The following CNTN5 variants were observed in gnomAD, a reference collection of about 807,000 sequenced individuals.
The protein encoded by CNTN5 is contactin 5, also known as contactin-5.
A neutral mutation model predicts 129.1 loss-of-function variants in CNTN5; 77 were observed. That is an observed-to-expected ratio of 0.60 (90% CI 0.50 to 0.72). The LOEUF (loss-of-function observed/expected upper bound fraction) is 0.72. Among genes scored for constraint, CNTN5 ranks in the 30% least tolerant of loss-of-function variants. The probability of loss-of-function intolerance (pLI) is 0.00; values close to 1 mark genes in which losing one functional copy is unlikely to be tolerated. For synonymous variants in CNTN5, 509 were observed against 465.6 expected, an observed-to-expected ratio of 1.09 and a Z score of -1.20; for missense variants, 1,478 against 1,328.8, an observed-to-expected ratio of 1.11 and a Z score of -1.75.
At chr11:99,697,667 A>G (rs921379165) in intron 3 of CNTN5, among the ~76,000 whole-genome samples, 3 of 151,884 alleles carry the variant, frequency 2.0e-5, no homozygotes, top group Admixed American at 6.6e-5. Context: ...TGAATAAAGT[A>G]TGAACTTTAA....
chr11:100,244,529 T>C (rs2138691284), intron 16 of CNTN5, among the ~76,000 whole-genome samples: 1 of 152,318 alleles, frequency 6.6e-6, no homozygotes, highest in African/African-American at 2.4e-5. Flanking sequence ...CTTCACATGA[T>C]AGTTCCTACA....
chr11:99,239,895 C>T (rs1410657564), intron 1 of CNTN5, among the ~76,000 whole-genome samples: 3 of 150,250 alleles, frequency 2.0e-5, no homozygotes, highest in South Asian at 2.1e-4. Context: ...CGAGATAGCG[C>T]CACTGTGCTC....
intron 23 of CNTN5, among the ~76,000 whole-genome samples, chr11:100,345,033 C>A (rs1380121209): frequency 2.6e-5 from 4 of 152,088 alleles, no homozygotes; most frequent in African/African-American, 4.8e-5. Context: ...CAAGATAAAA[C>A]AGCAGAATTT....
chr11:99,272,895 T>C (rs1320083745), intron 1 of CNTN5, among the ~76,000 whole-genome samples: 5 of 151,874 alleles, frequency 3.3e-5, no homozygotes, highest in African/African-American at 1.2e-4. Context: ...AAAAAACTTA[T>C]AACATTTAAA....
At chr11:100,283,931 G>A (rs1045667457) in intron 18 of CNTN5, among the ~76,000 whole-genome samples, 3 of 152,084 alleles carry the variant, frequency 2.0e-5, no homozygotes, top group African/African-American at 4.8e-5. Flanking sequence ...GGGTGACATA[G>A]CGAGACTCTG....
At chr11:99,480,349 G>A (rs1445381169) in intron 2 of CNTN5, among the ~76,000 whole-genome samples, 1 of 152,128 alleles carries the variant, frequency 6.6e-6, no homozygotes, top group Non-Finnish European at 1.5e-5. Context: ...TATAGGCTCT[G>A]GTGTCGGACA....
At chr11:99,865,828 A>T (rs1243247545) in intron 6 of CNTN5, among the ~76,000 whole-genome samples, 1 of 152,164 alleles carries the variant, frequency 6.6e-6, no homozygotes, top group Non-Finnish European at 1.5e-5. Context: ...GCTTATAAGT[A>T]GCTGTAACCT....
intron 1 of CNTN5, among the ~76,000 whole-genome samples, chr11:99,022,100 A>T (rs1283865639): frequency 6.6e-6 from 1 of 152,300 alleles, no homozygotes; most frequent in South Asian, 2.1e-4. Flanking sequence ...GAAGCAAAAA[A>T]CTTTTAAACT....
In CNTN5 at chr11:99,385,685, C is replaced by G. The variant is rs114547454; in HGVS notation, c.-71+60201C>G. Among the ~76,000 whole-genome samples, 518 of 152,254 alleles carry G rather than the reference C, an allele frequency of 3.4e-3. 3 individuals carry two copies. Among genetic ancestry groups the G allele is most frequent in the African/African-American group, 0.011 (476 of 41,554 alleles). Reference sequence around the variant, plus strand: ...TGAAAATGGCAGACAAACCAGTATACAATAGCTTAGGCAATAAAGATGACT... The same window carrying G: ...TGAAAATGGCAGACAAACCAGTATAGAATAGCTTAGGCAATAAAGATGACT... On this transcript the variant is annotated intron_variant, in intron 2 of 24. Transcript: ENST00000524871.
intron 3 of CNTN5, among the ~76,000 whole-genome samples, chr11:99,594,925 C>A (rs1280357846): frequency 1.3e-5 from 2 of 152,120 alleles, no homozygotes; most frequent in East Asian, 3.9e-4. Context: ...AGTCACAGAT[C>A]ATTAAAGACA....
chr11:99,234,394 G>A (rs1185900651), intron 1 of CNTN5, among the ~76,000 whole-genome samples: 8 of 152,134 alleles, frequency 5.3e-5, no homozygotes, highest in African/African-American at 1.9e-4. Context: ...CGCTCTATTC[G>A]TAGATCTTAG....
intron 13 of CNTN5, among the ~76,000 whole-genome samples, chr11:100,094,609 T>C (rs531482576): frequency 1.3e-4 from 20 of 152,130 alleles, no homozygotes; most frequent in Middle Eastern, 6.8e-3. Context: ...CTAATTGATA[T>C]TCTTCACTGC....
chr11:99,897,348 T>C (rs1949233767), intron 6 of CNTN5, among the ~76,000 whole-genome samples: 1 of 152,160 alleles, frequency 6.6e-6, no homozygotes. Context: ...ATTTGGTTAC[T>C]AGACTATCCA....
chr11:99,426,559 T>C (rs982621564), intron 2 of CNTN5, among the ~76,000 whole-genome samples: 3 of 152,232 alleles, frequency 2.0e-5, no homozygotes, highest in African/African-American at 7.2e-5. Context: ...AAAGAGTGGT[T>C]AAAGCTGCCA....
At chr11:100,159,947 C>T (rs1376065213) in intron 13 of CNTN5, among the ~76,000 whole-genome samples, 1 of 151,722 alleles carries the variant, frequency 6.6e-6, no homozygotes, top group Non-Finnish European at 1.5e-5. Context: ...CATATATATA[C>T]TTTAAGTTCT....
At chr11:99,798,849 C>T (rs979273245) in intron 3 of CNTN5, among the ~76,000 whole-genome samples, 1 of 152,082 alleles carries the variant, frequency 6.6e-6, no homozygotes, top group Non-Finnish European at 1.5e-5. Flanking sequence ...GCAGCTTGCT[C>T]TGGGCAGTAT....
chr11:99,163,471 AT>A (rs1860716885), intron 1 of CNTN5, among the ~76,000 whole-genome samples: 1 of 151,904 alleles, frequency 6.6e-6, no homozygotes, highest in African/African-American at 2.4e-5. Flanking sequence ...CAATTTCTCA[AT>A]TTTCTGTTTT....
chr11:100,149,923 A>G (rs1460788161), intron 13 of CNTN5, among the ~76,000 whole-genome samples: 3 of 151,614 alleles, frequency 2.0e-5, no homozygotes, highest in Admixed American at 6.6e-5. Flanking sequence ...GAAAAGAAAA[A>G]AAAAATCTCA....
At chr11:99,907,802 T>G (rs1431309489) in intron 6 of CNTN5, among the ~76,000 whole-genome samples, 2 of 151,992 alleles carry the variant, frequency 1.3e-5, no homozygotes, top group African/African-American at 2.4e-5. Flanking sequence ...GTTGTAAAGT[T>G]GTAAATAAGT....
Sources: allele counts gnomAD v4.1 joint callset (sites outside exome capture counted in the v4.1 genomes callset), GRCh38; gene constraint gnomAD v4.1.1; transcripts MANE v1.5; gene names NCBI Gene and HGNC (gene_info 2026-07-23, HGNC 2026-07-21).